Variants in MTARC1 observed in about 807,000 individuals in gnomAD.
The protein encoded by MTARC1 is mitochondrial amidoxime-reducing component 1.
MTARC1 carries 24 observed loss-of-function variants against 33.6 expected under a neutral mutation model. The observed-to-expected ratio is 0.72, with a 90% CI of 0.52 to 1.01. MTARC1 has a LOEUF of 1.01. Among genes scored for constraint, MTARC1 ranks in the 50% least tolerant of loss-of-function variants. The pLI is 0.00. For missense variants in MTARC1, 417 were observed against 445.7 expected (o/e 0.94, Z 0.58); for synonymous variants, 187 against 189.5 (o/e 0.99, Z 0.11).
At position 220,796,626 on chromosome 1, in the gene MTARC1, T is replaced by C; in HGVS notation, c.450-17T>C. On this transcript the variant is annotated splice_polypyrimidine_tract_variant and intron_variant, in intron 2 of 6. Transcript: ENST00000366910. ...TTTCAAAGCCATGTCTGCCCTTTGC[T>C]CCTGCTACCCCTGCAGAGTGCACGG... The C allele has an allele frequency of 6.4e-7, 1 of 1,553,738 alleles. No individual in the cohort carries two copies. The highest frequency in any genetic ancestry group is 8.7e-7 in the Non-Finnish European group (1 of 1,155,576).
At chr1:220,800,442 G>T (rs1360460016) in intron 4 of MTARC1, among the ~76,000 whole-genome samples, 1 of 152,110 alleles carries the variant, frequency 6.6e-6, no homozygotes, top group East Asian at 1.9e-4. Flanking sequence ...GTGAGATATG[G>T]CCAGGAGGGT....
intron 6 of MTARC1, among the ~76,000 whole-genome samples, chr1:220,806,054 T>A (rs970374708): frequency 1.3e-5 from 2 of 152,254 alleles, no homozygotes. Flanking sequence ...ACTCTTTTGG[T>A]ATAGTCATAG....
chr1:220,792,995 TTTG>T (rs1672478589), intron 2 of MTARC1, among the ~76,000 whole-genome samples: 1 of 152,304 alleles, frequency 6.6e-6, no homozygotes, highest in Admixed American at 6.5e-5. Flanking sequence ...GTTTATATCA[TTTG>T]TTGTTTTCTT....
At chr1:220,790,599 A>C (rs1377690232) in intron 1 of MTARC1, among the ~76,000 whole-genome samples, 1 of 152,230 alleles carries the variant, frequency 6.6e-6, no homozygotes, top group Non-Finnish European at 1.5e-5. Context: ...CAACTCAACC[A>C]TGATAACCTG....
At chr1:220,796,868 G>T in intron 3 of MTARC1, 63 bp downstream of exon 3, 1 of 1,508,312 alleles carries the variant, frequency 6.6e-7, no homozygotes, top group Non-Finnish European at 8.9e-7. Flanking sequence ...GGGCTCAGGT[G>T]GCATCTCTGA....
At chr1:220,798,961 A>G (rs1672704619) in intron 4 of MTARC1, 3 of 985,414 alleles carry the variant, frequency 3.0e-6, no homozygotes, top group Non-Finnish European at 3.6e-6. Flanking sequence ...TGATTCCCAC[A>G]TTCAAACCAG....
rs149820531 is a variant in MTARC1 at position 220,805,256 on chromosome 1, C to T, written c.869C>T (p.Pro290Leu). The change falls in exon 6 of 7, where the codon CCG becomes CTG. Residue 290 changes from proline (P) to leucine (L), a missense_variant. Physicochemically the swap from Pro to Leu is moderately conservative, Grantham distance 98 (BLOSUM62 -3). Transcript: ENST00000366910. ...ACCGGTGTCATGAGCAGGAAGGAAC[C>T]GCTGGAAACACTGAAGAGGTAGGAC... Reference protein sequence around the residue: ...PDTGVMSRKEPLETLKSYRQC... With the variant: ...PDTGVMSRKELLETLKSYRQC... 98 of 1,613,056 alleles carry T rather than the reference C, an allele frequency of 6.1e-5. 1 individual carries two copies. In the Admixed American group the frequency reaches 1.3e-3, roughly 22 times the overall value.
intron 6 of MTARC1, among the ~76,000 whole-genome samples, chr1:220,806,147 A>C (rs1672964975): frequency 6.6e-6 from 1 of 152,222 alleles, no homozygotes; most frequent in Non-Finnish European, 1.5e-5. Context: ...AACAACAATA[A>C]CAGTTTAGCA....
chr1:220,788,755 G>A (rs946575649), intron 1 of MTARC1, among the ~76,000 whole-genome samples: 2 of 149,226 alleles, frequency 1.3e-5, no homozygotes, highest in Non-Finnish European at 3.0e-5. Flanking sequence ...CAGAGATCTC[G>A]CCACTGCACT....
At chr1:220,792,019 G>A (rs1458045243) in intron 2 of MTARC1, among the ~76,000 whole-genome samples, 4 of 152,146 alleles carry the variant, frequency 2.6e-5, no homozygotes, top group African/African-American at 7.2e-5. Context: ...GGTGAAACTC[G>A]ATCTACGTAT....
At position 220,789,271 on chromosome 1, in the gene MTARC1, A is replaced by G. The variant is rs141114949; in HGVS notation, c.275+2052A>G. Among the ~76,000 whole-genome samples, 1,025 of 152,282 alleles carry G rather than the reference A, an allele frequency of 6.7e-3. 1 individual carries two copies. Among genetic ancestry groups the G allele is most frequent in the Non-Finnish European group, 0.012 (804 of 68,008 alleles). On this transcript the variant is annotated intron_variant, in intron 1 of 6. Coordinates refer to ENST00000366910, the MANE Select transcript of MTARC1 (RefSeq NM_022746.4). ...AGAAGAACTTTCTAGAGAGGGAATA[A>G]GCTGGGCAAAGACACTCGGCTTGTG...
chr1:220,810,910 C>T (rs1673112673), intron 6 of MTARC1, among the ~76,000 whole-genome samples: 1 of 152,112 alleles, frequency 6.6e-6, no homozygotes, highest in Non-Finnish European at 1.5e-5. Flanking sequence ...CTGTTACTCC[C>T]CCTGAGACTT....
In MTARC1 at chr1:220,789,977, A is replaced by G. The variant is rs367672674; in HGVS notation, c.276-1514A>G. Among the ~76,000 whole-genome samples the G allele has an allele frequency of 1.4e-4, 22 of 152,338 alleles. No individual in the cohort carries two copies. The East Asian group carries it at 2.3e-3, about 16-fold the overall frequency. The stretch of plus-strand genomic sequence containing the variant: ...GTTTGGGGTGATGAAAAGGTTTTGC[A>G]AATAGTGGTGATGGTTGCACAACAC... On this transcript the variant is annotated intron_variant, in intron 1 of 6. Coordinates refer to ENST00000366910, the MANE Select transcript of MTARC1 (RefSeq NM_022746.4).
chr1:220,793,709 A>T (rs566316286), intron 2 of MTARC1: 2 of 152,362 alleles, frequency 1.3e-5, no homozygotes, highest in Non-Finnish European at 2.9e-5. Context: ...GACTTTGGCT[A>T]TGGATTATTC....
intron 2 of MTARC1, among the ~76,000 whole-genome samples, chr1:220,795,236 C>T (rs1672572639): frequency 6.6e-6 from 1 of 152,132 alleles, no homozygotes; most frequent in Non-Finnish European, 1.5e-5. Context: ...GGACTTCTTA[C>T]GGATTGTTCC....
chr1:220,796,221 G>C (rs1286155429), intron 2 of MTARC1, among the ~76,000 whole-genome samples: 1 of 151,984 alleles, frequency 6.6e-6, no homozygotes, highest in African/African-American at 2.4e-5. Flanking sequence ...TACTATACTG[G>C]CAAAGCATAG....
At position 220,813,698 on chromosome 1, in the gene MTARC1, TTCTTTC is replaced by T; in HGVS notation, c.*283_*288del. Reference sequence around the variant, plus strand: ...CCCCGTTTAACTGATTATGGAATAGTTCTTTCTCCTGCTTCTCCGTTTATCTACCAA... The same window carrying T: ...CCCCGTTTAACTGATTATGGAATAGTTCCTGCTTCTCCGTTTATCTACCAA... On this transcript the variant is annotated 3_prime_UTR_variant, in exon 7 of 7. Coordinates refer to ENST00000366910, the MANE Select transcript of MTARC1 (RefSeq NM_022746.4). 2.9e-6 allele frequency: 1 copy of T among 349,442 alleles called. No individual in the cohort carries two copies. The highest frequency in any genetic ancestry group is 5.4e-6 in the Non-Finnish European group (1 of 186,052). The allele number at this position is 349,442 out of a possible 1,614,324, so 21.6% of individuals were successfully genotyped here. A position where few individuals can be genotyped will look rare whatever the true frequency, so the allele number is the denominator to read the frequency against.
rs1361630874 is a variant in MTARC1, at chr1:220,816,448, A to G, written c.*3030A>G. 8 of 152,212 alleles carry G rather than the reference A, an allele frequency of 5.3e-5. No individual in the cohort carries two copies. Among genetic ancestry groups the G allele is most frequent in the Admixed American group, 5.2e-4 (8 of 15,282 alleles). 9.4% of individuals were successfully genotyped at this position (152,212 alleles called of 1,614,324 possible). A position where few individuals can be genotyped will look rare whatever the true frequency, so the allele number is the denominator to read the frequency against. On this transcript the variant is annotated 3_prime_UTR_variant, in exon 7 of 7. Coordinates refer to ENST00000366910, the MANE Select transcript of MTARC1 (RefSeq NM_022746.4). ...TTCCCGTGTTTTATTGGTCCATGGA[A>G]TTCTGAAAGTTTGCCTTTCGGGATG...
In MTARC1 at chr1:220,791,626, T is replaced by C. The variant is rs199569947; in HGVS notation, c.411T>C (p.Pro137=). ...SAAYTKDLLL[P]IKTPTTNAVH... is the part of the protein sequence containing the mutation. ...CCTACACAAAGGACCTACTACTGCCTATCAAAACGCCCACCACAAATGCAG... is the reference window on the plus strand; with the variant it reads ...CCTACACAAAGGACCTACTACTGCCCATCAAAACGCCCACCACAAATGCAG... Residue 137 remains proline (P), a synonymous_variant, in exon 2 of 7, where the codon CCT becomes CCC. Coordinates refer to ENST00000366910, the MANE Select transcript of MTARC1 (RefSeq NM_022746.4). 564 of 1,613,936 alleles carry C rather than the reference T, an allele frequency of 3.5e-4. No homozygotes were observed. Among genetic ancestry groups the C allele is most frequent in the Admixed American group, 1.3e-3 (79 of 59,990 alleles).
Sources: allele counts gnomAD v4.1 joint callset (sites outside exome capture counted in the v4.1 genomes callset), GRCh38; gene constraint gnomAD v4.1.1; transcripts MANE v1.5; gene names NCBI Gene and HGNC (gene_info 2026-07-23, HGNC 2026-07-21).